HDAC9: variants seen among roughly 807,000 people sequenced by gnomAD.
HDAC9 encodes histone deacetylase 9.
In HDAC9, 41 loss-of-function variants were observed where a neutral mutation model predicts 139.4. The observed-to-expected ratio is 0.29, with a 90% CI of 0.23 to 0.38. The LOEUF is 0.38. HDAC9 is among the 10% of genes least tolerant of loss of function. HDAC9 has a pLI of 1.00. For missense variants in HDAC9, 1,147 were observed against 1,297.0 expected (o/e 0.88, Z 1.78); for synonymous variants, 517 against 476.2 (o/e 1.09, Z -1.12).
intron 1 of HDAC9, among the ~76,000 whole-genome samples, chr7:18,391,495 C>T (rs1786485405): frequency 6.6e-6 from 1 of 152,206 alleles, no homozygotes; most frequent in Non-Finnish European, 1.5e-5. Flanking sequence ...TCGGGAAATC[C>T]TGTCACAAAG....
At chr7:18,424,089 G>C (rs990693377) in intron 1 of HDAC9, among the ~76,000 whole-genome samples, 4 of 152,130 alleles carry the variant, frequency 2.6e-5, no homozygotes, top group African/African-American at 9.7e-5. Flanking sequence ...ATATGAGTTT[G>C]TTTCCTTGAT....
At chr7:18,508,937 A>G (rs1800613383) in intron 2 of HDAC9, among the ~76,000 whole-genome samples, 1 of 152,196 alleles carries the variant, frequency 6.6e-6, no homozygotes, top group South Asian at 2.1e-4. Context: ...AATATTTAGC[A>G]TACATAGCAT....
chr7:18,511,915 C>T (rs1204017743), intron 2 of HDAC9, among the ~76,000 whole-genome samples: 2 of 151,432 alleles, frequency 1.3e-5, no homozygotes, highest in African/African-American at 4.9e-5. Context: ...ATGCTATTAG[C>T]CATATGGGTT....
intron 14 of HDAC9, among the ~76,000 whole-genome samples, chr7:18,760,199 T>C (rs942127700): frequency 1.3e-5 from 2 of 152,168 alleles, no homozygotes; most frequent in African/African-American, 4.8e-5. Context: ...CACATTCTGT[T>C]TTCCAATGCC....
At chr7:18,909,632 A>C (rs1011152716) in intron 22 of HDAC9, among the ~76,000 whole-genome samples, 3 of 151,938 alleles carry the variant, frequency 2.0e-5, no homozygotes, top group African/African-American at 7.2e-5. Flanking sequence ...TCCCAGCACT[A>C]TTTATCTATT....
chr7:18,228,333 A>G (rs1210620440), intron 2 of HDAC9, among the ~76,000 whole-genome samples: 3 of 151,954 alleles, frequency 2.0e-5, no homozygotes. Context: ...CTTACTGAAA[A>G]TGACGTATAA....
intron 2 of HDAC9, among the ~76,000 whole-genome samples, chr7:18,214,394 A>G (rs878869244): frequency 1.3e-5 from 2 of 152,118 alleles, no homozygotes; most frequent in Admixed American, 6.6e-5. Flanking sequence ...CCATCTTCAT[A>G]TACTTCAAGG....
intron 1 of HDAC9, among the ~76,000 whole-genome samples, chr7:18,150,122 G>T (rs1226208098): frequency 4.0e-5 from 6 of 150,258 alleles, no homozygotes; most frequent in East Asian, 1.9e-4. Context: ...TTCAAAGTCG[G>T]CACGTTCTGC....
rs139802496 is a variant in HDAC9 at position 18,788,988 on chromosome 7, G to A, written c.2215-4357G>A. Among the ~76,000 whole-genome samples the A allele has an allele frequency of 5.6e-4, 85 of 152,106 alleles. 1 individual carries two copies. The highest frequency in any genetic ancestry group is 1.9e-3 in the African/African-American group (80 of 41,494). ...TATATGTACCCTAATCAACAAGCAT[G>A]CCTGGTTGTCACAGGTAGAAGGGGT... On this transcript the variant is annotated intron_variant, in intron 16 of 25. Coordinates refer to ENST00000686413, the MANE Select transcript of HDAC9 (RefSeq NM_178425.4).
chr7:18,937,697 T>C (rs774936671), intron 23 of HDAC9, among the ~76,000 whole-genome samples: 2 of 152,198 alleles, frequency 1.3e-5, no homozygotes, highest in Non-Finnish European at 2.9e-5. Flanking sequence ...ATATTTGCAT[T>C]ATAAAGGCTT....
chr7:18,926,993 G>A (rs558206572), intron 22 of HDAC9, among the ~76,000 whole-genome samples: 30 of 152,098 alleles, frequency 2.0e-4, no homozygotes, highest in Admixed American at 4.6e-4. Flanking sequence ...ATTGATTTCC[G>A]GATTCAGTGA....
At chr7:18,784,808 A>C (rs191622791) in intron 16 of HDAC9, among the ~76,000 whole-genome samples, 49 of 152,252 alleles carry the variant, frequency 3.2e-4, no homozygotes, top group African/African-American at 1.2e-3. Context: ...TATTTCACTT[A>C]ACAGAATGAA....
upstream of HDAC9, among the ~76,000 whole-genome samples, chr7:18,492,546 T>G (rs1796449781): frequency 6.6e-6 from 1 of 151,994 alleles, no homozygotes; most frequent in South Asian, 2.1e-4. Context: ...CTTTGACCTA[T>G]GTGTATATAA....
intron 1 of HDAC9, among the ~76,000 whole-genome samples, chr7:18,486,843 C>T (rs1796010395): frequency 1.3e-5 from 2 of 151,958 alleles, no homozygotes; most frequent in Admixed American, 1.3e-4. Context: ...AGAAGATGGT[C>T]AAAATTGTGT....
intron 5 of HDAC9, 35 bp downstream of exon 5, chr7:18,591,677 G>T: frequency 2.5e-6 from 4 of 1,607,956 alleles, no homozygotes; most frequent in Non-Finnish European, 3.4e-6. Context: ...CATTCCTGGG[G>T]TAAAGAACAC....
intron 2 of HDAC9, among the ~76,000 whole-genome samples, chr7:18,234,948 A>G (rs1334441096): frequency 6.6e-6 from 1 of 152,164 alleles, no homozygotes; most frequent in Non-Finnish European, 1.5e-5. Flanking sequence ...TGTTTCATCC[A>G]TAGCTTCACA....
intron 2 of HDAC9, among the ~76,000 whole-genome samples, chr7:18,578,804 C>T (rs1175408695): frequency 6.6e-6 from 1 of 152,180 alleles, no homozygotes; most frequent in South Asian, 2.1e-4. Flanking sequence ...CTTCAGCCCT[C>T]AAGACCTCTT....
At chr7:18,102,390 T>A (rs560536669) in intron 1 of HDAC9, among the ~76,000 whole-genome samples, 13 of 152,336 alleles carry the variant, frequency 8.5e-5, no homozygotes, top group African/African-American at 3.1e-4. Flanking sequence ...AGGAAAATAA[T>A]TTTGTAAGAA....
chr7:18,312,675 G>A (rs1006395683), intron 1 of HDAC9, among the ~76,000 whole-genome samples: 7 of 152,082 alleles, frequency 4.6e-5, no homozygotes, highest in Non-Finnish European at 8.8e-5. Flanking sequence ...CTTCAGCAGG[G>A]ACTGATAAAG....
Sources: allele counts gnomAD v4.1 joint callset (sites outside exome capture counted in the v4.1 genomes callset), GRCh38; gene constraint gnomAD v4.1.1; transcripts MANE v1.5; gene names NCBI Gene and HGNC (gene_info 2026-07-23, HGNC 2026-07-21).